Variants in BLTP1 observed in about 807,000 individuals in gnomAD.
BLTP1 encodes the protein bridge-like lipid transfer protein family member 1.
the BLTP1 span, among the ~76,000 whole-genome samples, chr4:122,310,704 A>G: frequency 5.3e-5 from 8 of 152,188 alleles, no homozygotes; most frequent in Admixed American, 6.5e-5. Flanking sequence ...AAGAAAGTCA[A>G]AGTCCTTCCT....
chr4:122,342,397 C>G, the BLTP1 span, among the ~76,000 whole-genome samples: 2 of 151,716 alleles, frequency 1.3e-5, no homozygotes, highest in African/African-American at 2.4e-5. Flanking sequence ...ACTCTGTTGT[C>G]CAGGCTGGAG....
the BLTP1 span, among the ~76,000 whole-genome samples, chr4:122,327,099 GTGTTTTGTTT>G: frequency 1.3e-4 from 20 of 148,232 alleles, no homozygotes; most frequent in South Asian, 6.5e-4. Flanking sequence ...TCATAGGGGG[GTGTTTTGTTT>G]TGTTTTGTTT....
At chr4:122,231,703 G>A in the BLTP1 span, 841 of 972,764 alleles carry the variant, frequency 8.6e-4, no homozygotes, top group South Asian at 5.8e-3. Context: ...TATAAAACTC[G>A]AATCCCTCTG....
chr4:122,282,858 A>T, the BLTP1 span, among the ~76,000 whole-genome samples: 1 of 152,124 alleles, frequency 6.6e-6, no homozygotes, highest in Non-Finnish European at 1.5e-5. Flanking sequence ...ACGAGTTTAT[A>T]TATATAAAAT....
chr4:122,299,872 G>A, the BLTP1 span: 1 of 984,820 alleles, frequency 1.0e-6, no homozygotes, highest in South Asian at 4.7e-5. Context: ...AAAAGAAAAT[G>A]TAATCTGTAT....
chr4:122,261,374 TA>T, the BLTP1 span: 1 of 984,846 alleles, frequency 1.0e-6, no homozygotes, highest in South Asian at 4.7e-5. Flanking sequence ...TATGGGTTAT[TA>T]AAGTCCTCTA....
At chr4:122,194,620 C>A in the BLTP1 span, 2 of 978,536 alleles carry the variant, frequency 2.0e-6, no homozygotes, top group African/African-American at 1.8e-5. Context: ...GTATTGTTTG[C>A]GAAGAAAAAA....
At chr4:122,263,380 A>AT in the BLTP1 span, 1 of 1,462,334 alleles carries the variant, frequency 6.8e-7, no homozygotes, top group African/African-American at 1.4e-5. Context: ...AGGTATATAA[A>AT]TTACATTTTT....
the BLTP1 span, chr4:122,281,557 T>C: frequency 6.2e-7 from 1 of 1,600,476 alleles, no homozygotes. Context: ...TAAAAGAAGA[T>C]ATTGCAACCC....
chr4:122,313,509 G>A, the BLTP1 span: 1 of 591,702 alleles, frequency 1.7e-6, no homozygotes, highest in Non-Finnish European at 2.7e-6. Flanking sequence ...TAAAATCTAG[G>A]AAGGATAGTA....
chr4:122,352,869 CA>C, the BLTP1 span: 1 of 1,607,174 alleles, frequency 6.2e-7, no homozygotes, highest in Non-Finnish European at 8.5e-7. Context: ...ACTCATTAGG[CA>C]CTTCAGGATA....
chr4:122,205,336 C>T, the BLTP1 span, among the ~76,000 whole-genome samples: 2 of 151,794 alleles, frequency 1.3e-5, no homozygotes, highest in Non-Finnish European at 1.5e-5. Context: ...TCTGAATTCT[C>T]ATCATAAGTC....
chr4:122,169,272 G>T, the BLTP1 span, among the ~76,000 whole-genome samples: 1 of 152,122 alleles, frequency 6.6e-6, no homozygotes, highest in Non-Finnish European at 1.5e-5. Flanking sequence ...GTTTTGTGAT[G>T]TCCAAAGATA....
the BLTP1 span, chr4:122,333,534 C>G: frequency 7.6e-7 from 1 of 1,313,314 alleles, no homozygotes. Context: ...GATATTAGCC[C>G]TTTGTCAGAT....
chr4:122,173,971 C>T, the BLTP1 span, among the ~76,000 whole-genome samples: 1 of 151,980 alleles, frequency 6.6e-6, no homozygotes, highest in Non-Finnish European at 1.5e-5. Context: ...TTAGAATCAT[C>T]TTGTATGTTT....
chr4:122,247,411 T>G, the BLTP1 span: 1 of 1,593,822 alleles, frequency 6.3e-7, no homozygotes, highest in Non-Finnish European at 8.6e-7. Flanking sequence ...TGTAAGATGA[T>G]TTTGCAGAAG....
At chr4:122,362,096 G>A in the BLTP1 span, 1 of 1,613,356 alleles carries the variant, frequency 6.2e-7, no homozygotes. Flanking sequence ...CAAAAATTGG[G>A]CTTTCATCAT....
chr4:122,347,948 A>C, the BLTP1 span, among the ~76,000 whole-genome samples: 1 of 151,686 alleles, frequency 6.6e-6, no homozygotes, highest in African/African-American at 2.4e-5. Flanking sequence ...CAAAACAAAT[A>C]TTTCAAAGTA....
At chr4:122,354,487 T>TTTC in the BLTP1 span, among the ~76,000 whole-genome samples, 1 of 151,292 alleles carries the variant, frequency 6.6e-6, no homozygotes, top group African/African-American at 2.4e-5. Context: ...TTTTTTTTTT[T>TTTC]CATTTGATTA....
Sources: allele counts gnomAD v4.1 joint callset (sites outside exome capture counted in the v4.1 genomes callset), GRCh38; gene constraint gnomAD v4.1.1; transcripts MANE v1.5; gene names NCBI Gene and HGNC (gene_info 2026-07-23, HGNC 2026-07-21).